ZC3H11A: variants seen among roughly 807,000 people sequenced by gnomAD.
The protein encoded by ZC3H11A is zinc finger CCCH domain-containing protein 11A.
In ZC3H11A, 22 loss-of-function variants were observed where a neutral mutation model predicts 90.8. The ratio of observed to expected loss-of-function variants is 0.24; its 90% CI spans 0.17 to 0.35. The LOEUF is 0.35. Among genes scored for constraint, ZC3H11A ranks in the 10% least tolerant of loss-of-function variants. ZC3H11A has a pLI of 1.00. For missense variants in ZC3H11A, 701 were observed against 964.9 expected, an observed-to-expected ratio of 0.73 and a Z score of 3.62; for synonymous variants, 294 against 339.8, an observed-to-expected ratio of 0.87 and a Z score of 1.48.
intron 4 of ZC3H11A, among the ~76,000 whole-genome samples, chr1:203,823,103 T>G (rs1158785557): frequency 6.6e-6 from 1 of 152,240 alleles, no homozygotes; most frequent in Non-Finnish European, 1.5e-5. Context: ...TGTAACATTT[T>G]TAGTGGAGTG....
intron 4 of ZC3H11A, among the ~76,000 whole-genome samples, chr1:203,823,486 A>G (rs751092412): frequency 9.9e-5 from 15 of 152,238 alleles, no homozygotes; most frequent in Non-Finnish European, 2.2e-4. Flanking sequence ...GAAGGAAGGC[A>G]GATGTTCAGC....
In ZC3H11A at chr1:203,849,729, G is replaced by A; in HGVS notation, c.1642G>A (p.Gly548Arg). 6.2e-7 allele frequency: 1 copy of A among 1,613,936 alleles called. No individual in the cohort carries two copies. The change falls in exon 15 of 18, where the codon GGA becomes AGA. Residue 548 changes from glycine (G) to arginine (R), a missense_variant. Around this residue, in one of 4 missense-constraint regions of ZC3H11A, gnomAD observed 530 missense variants for 696.2 expected, o/e 0.76. Coordinates refer to ENST00000367210, the MANE Select transcript of ZC3H11A (RefSeq NM_001376342.1). ...TCCACAGGCTTCAGGTGAGACCACA[G>A]GAGTTGACATCACTAAAATTCAAGT... ...EAKEASGETT[G>R]VDITKIQVKR... is the part of the protein sequence containing the mutation.
At position 203,819,410 on chromosome 1, in the gene ZC3H11A, C is replaced by T. The variant is rs944541547; in HGVS notation, c.174+721C>T. 3.3e-5 allele frequency among the ~76,000 whole-genome samples: 5 copies of T among 150,420 alleles called. No homozygotes were observed. The South Asian group carries it at 6.3e-4, about 19-fold the overall frequency. ...CTAATTTTTGTATTTTTAGTAGAGACGGGGTTTTACCACGCAGGCCAGGCT... is the reference window on the plus strand; with the variant it reads ...CTAATTTTTGTATTTTTAGTAGAGATGGGGTTTTACCACGCAGGCCAGGCT... On this transcript the variant is annotated intron_variant, in intron 4 of 17. Transcript: ENST00000367210.
At chr1:203,818,795 T>G (rs1014118590) in intron 4 of ZC3H11A, 106 bp downstream of exon 4, 3 of 1,528,906 alleles carry the variant, frequency 2.0e-6, no homozygotes, top group Non-Finnish European at 2.7e-6. Flanking sequence ...TAAGGCTGAG[T>G]GCAGTGGCTC....
chr1:203,848,855 T>C (rs549573176), intron 14 of ZC3H11A, among the ~76,000 whole-genome samples: 3 of 152,330 alleles, frequency 2.0e-5, no homozygotes, highest in South Asian at 2.1e-4. Context: ...CCTAAAAATA[T>C]ACAGCTCAGA....
intron 1 of ZC3H11A, chr1:203,797,322 GAA>G: frequency 2.1e-6 from 1 of 471,604 alleles, no homozygotes; most frequent in Non-Finnish European, 3.6e-6. Context: ...AGCCCTCTAA[GAA>G]AGAGTTCGGG....
In ZC3H11A at chr1:203,805,143, A is replaced by AT. The variant is rs148879848; in HGVS notation, c.-146+2144dup. Reference sequence around the variant, plus strand: ...AATACCCACTTCTGATACAGTAGTGATTTTTTTTTTTTTTTTTGAGACAGA... The same window carrying AT: ...AATACCCACTTCTGATACAGTAGTGATTTTTTTTTTTTTTTTTTGAGACAGA... On this transcript the variant is annotated intron_variant, in intron 2 of 17. Coordinates refer to ENST00000367210, the MANE Select transcript of ZC3H11A (RefSeq NM_001376342.1). 3.9e-3 allele frequency among the ~76,000 whole-genome samples: 508 copies of AT among 131,440 alleles called. 7 individuals carry two copies. Among genetic ancestry groups the AT allele is most frequent in the African/African-American group, 0.013 (450 of 35,266 alleles). 86.2% of individuals were successfully genotyped at this position (131,440 alleles called of 152,430 possible).
At chr1:203,850,965 G>T in intron 16 of ZC3H11A, 92 bp from the exon 17 acceptor site, 1 of 1,439,640 alleles carries the variant, frequency 6.9e-7, no homozygotes, top group Non-Finnish European at 9.6e-7. Flanking sequence ...AAGAATCATA[G>T]CCACAATTCT....
intron 4 of ZC3H11A, among the ~76,000 whole-genome samples, chr1:203,822,125 A>G (rs35161192): frequency 0.13 from 19,973 of 152,178 alleles, 1,468 homozygotes; most frequent in Non-Finnish European, 0.15. Flanking sequence ...CAGTTCATCA[A>G]TGCCACAGGA....
At chr1:203,838,404 A>C (rs1685031115) in intron 11 of ZC3H11A, among the ~76,000 whole-genome samples, 1 of 152,226 alleles carries the variant, frequency 6.6e-6, no homozygotes, top group Non-Finnish European at 1.5e-5. Flanking sequence ...AGGTTCACAG[A>C]AGAAGTTATG....
chr1:203,812,394 C>T (rs1206974551), intron 2 of ZC3H11A, among the ~76,000 whole-genome samples: 2 of 152,074 alleles, frequency 1.3e-5, no homozygotes, highest in African/African-American at 4.8e-5. Flanking sequence ...CCTGTTTCTG[C>T]ATTAGTTTGC....
intron 12 of ZC3H11A, among the ~76,000 whole-genome samples, chr1:203,842,051 G>A (rs1686484541): frequency 6.6e-6 from 1 of 151,544 alleles, no homozygotes; most frequent in South Asian, 2.1e-4. Flanking sequence ...GGGCGGCCGG[G>A]CAGAGACACT....
intron 16 of ZC3H11A, 136 bp downstream of exon 16, chr1:203,850,817 C>A: frequency 7.7e-7 from 1 of 1,298,356 alleles, no homozygotes; most frequent in East Asian, 2.5e-5. Context: ...TGGGTTACTA[C>A]TGTATTTTAT....
intron 10 of ZC3H11A, among the ~76,000 whole-genome samples, chr1:203,837,493 G>A (rs146617161): frequency 1.4e-5 from 2 of 146,552 alleles, no homozygotes; most frequent in East Asian, 2.0e-4. Flanking sequence ...TTGCTGTATC[G>A]CCCAGGCAGG....
At chr1:203,799,880 T>A (rs1669994414) in intron 1 of ZC3H11A, 1 of 1,536,012 alleles carries the variant, frequency 6.5e-7, no homozygotes, top group African/African-American at 1.4e-5. Context: ...CTCAAGGTGC[T>A]GATTTAGAAA....
In ZC3H11A at chr1:203,804,150, G is replaced by GT. The variant is rs1209891980; in HGVS notation, c.-146+1135dup. Among the ~76,000 whole-genome samples, 51 of 131,004 alleles carry GT rather than the reference G, an allele frequency of 3.9e-4. 1 individual carries two copies. The highest frequency in any genetic ancestry group is 3.1e-3 in the East Asian group (13 of 4,144). The allele number at this position is 131,004 out of a possible 152,430, so 85.9% of individuals were successfully genotyped here. ...ACTTCTTCATTTTCTTCCTGTATAT[G>GT]TGTTTTTTTTTTTTTTTTTGAGACA... is the stretch of plus-strand genomic sequence containing the variant. On this transcript the variant is annotated intron_variant, in intron 2 of 17. Coordinates refer to ENST00000367210, the MANE Select transcript of ZC3H11A (RefSeq NM_001376342.1).
At chr1:203,831,974 A>G (rs760742054) in intron 9 of ZC3H11A, among the ~76,000 whole-genome samples, 12 of 152,228 alleles carry the variant, frequency 7.9e-5, no homozygotes, top group Non-Finnish European at 1.3e-4. Context: ...CCTCACATAT[A>G]TTTTTCCATT....
At chr1:203,806,510 C>G (rs573740000) in intron 2 of ZC3H11A, among the ~76,000 whole-genome samples, 22 of 152,226 alleles carry the variant, frequency 1.4e-4, no homozygotes, top group African/African-American at 5.3e-4. Flanking sequence ...ACCATGTTGG[C>G]CAGGCTGGTC....
intron 1 of ZC3H11A, chr1:203,798,053 A>G: frequency 6.5e-7 from 1 of 1,535,836 alleles, no homozygotes; most frequent in Non-Finnish European, 8.7e-7. Context: ...GACATCTGCA[A>G]GCAAGGCATT....
Sources: gnomAD v4.1 joint callset for allele counts (sites outside exome capture counted in the v4.1 genomes callset) on GRCh38, gnomAD v4.1.1 for gene constraint, gnomAD v4.1.1 regional missense constraint, MANE v1.5 for transcripts, NCBI Gene and HGNC (gene_info 2026-07-23, HGNC 2026-07-21) for gene names.